Variants in NOP14 observed in about 807,000 individuals in gnomAD.
NOP14 encodes NOP14 nucleolar protein.
A neutral mutation model predicts 101.6 loss-of-function variants in NOP14; 57 were observed. That is an observed-to-expected ratio of 0.56 (90% confidence interval 0.45 to 0.70). NOP14 has a LOEUF of 0.70. Among genes scored for constraint, NOP14 ranks in the 30% least tolerant of loss-of-function variants. The pLI is 0.00. For synonymous variants in NOP14, 428 were observed against 424.0 expected, an observed-to-expected ratio of 1.01 and a Z score of -0.12; for missense variants, 1,134 against 1,075.5, an observed-to-expected ratio of 1.05 and a Z score of -0.76.
chr4:2,939,804 G>C (rs965325886), intron 15 of NOP14, among the ~76,000 whole-genome samples, 159 bp from the exon 16 acceptor site: 2 of 152,138 alleles, frequency 1.3e-5, no homozygotes, highest in African/African-American at 2.4e-5. Context: ...TGGGCGGGGG[G>C]GTAAGCCAAG....
intron 4 of NOP14, among the ~76,000 whole-genome samples, chr4:2,954,114 G>T (rs1043422407): frequency 6.6e-6 from 1 of 152,080 alleles, no homozygotes; most frequent in African/African-American, 2.4e-5. Context: ...GAGGATCACT[G>T]GATCCTTGAG....
At chr4:2,945,026 C>T in intron 12 of NOP14, 102 bp downstream of exon 12, 1 of 799,994 alleles carries the variant, frequency 1.3e-6, no homozygotes, top group East Asian at 2.7e-5. Context: ...CTCTGCAGCC[C>T]TTAAACAGCC....
At chr4:2,953,362 C>A (rs1715150138) in intron 5 of NOP14, 149 bp downstream of exon 5, 9 of 784,152 alleles carry the variant, frequency 1.1e-5, no homozygotes, top group Non-Finnish European at 2.1e-6. Flanking sequence ...CAAGATTACA[C>A]ACAGCAGGTA....
At chr4:2,961,101 A>C (rs111889703) in intron 1 of NOP14, among the ~76,000 whole-genome samples, 490 of 38,920 alleles carry the variant, frequency 0.013, 8 homozygotes, top group Non-Finnish European at 0.018. Flanking sequence ...TAATATATTA[A>C]TATTTTAATA....
intron 14 of NOP14, 170 bp downstream of exon 14, chr4:2,942,022 G>C (rs1317194646): frequency 5.9e-6 from 4 of 681,616 alleles, no homozygotes; most frequent in Non-Finnish European, 7.4e-6. Context: ...AAAATGAAAA[G>C]AAAAAGGGAC....
rs12651499 is a variant in NOP14, at chr4:2,938,631, G to C, written c.*200C>G. On this transcript the variant is annotated 3_prime_UTR_variant, in exon 18 of 18. Coordinates refer to ENST00000416614, the MANE Select transcript of NOP14 (RefSeq NM_001291978.2). ...AGCAGTCCTCCTGCTTCAGCCTCCC[G>C]AGTAGTTGGGACTACAGGTGCGTGC... The C allele has an allele frequency of 3.5e-6, 2 of 567,384 alleles. No homozygotes were observed. The highest frequency in any genetic ancestry group is 1.9e-5 in the African/African-American group (1 of 53,088). The allele number at this position is 567,384 out of a possible 1,614,324, so 35.1% of individuals were successfully genotyped here.
chr4:2,963,388 C>A lies in NOP14; in HGVS notation c.-69G>T, dbSNP rs1167337614. ...GACAGGCGCGCGCTACCCTAAGACA[C>A]GTGCCGGGCCGCGGAACCGCTTCCT... On this transcript the variant is annotated 5_prime_UTR_variant, in exon 1 of 18. Transcript: ENST00000416614. 7.1e-7 allele frequency: 1 copy of A among 1,415,352 alleles called. No homozygotes were observed. 87.7% of individuals were successfully genotyped at this position (1,415,352 alleles called of 1,614,324 possible). A position where few individuals can be genotyped will look rare whatever the true frequency, so the allele number is the denominator to read the frequency against.
intron 1 of NOP14, among the ~76,000 whole-genome samples, chr4:2,958,592 C>T (rs1252454767): frequency 1.3e-5 from 2 of 152,234 alleles, no homozygotes; most frequent in East Asian, 1.9e-4. Context: ...TACAAACCCA[C>T]CACAAATCGG....
At chr4:2,955,397 G>A (rs370619723) in intron 3 of NOP14, among the ~76,000 whole-genome samples, 2 of 107,588 alleles carry the variant, frequency 1.9e-5, no homozygotes, top group South Asian at 3.7e-4. Flanking sequence ...TCACCTGCAC[G>A]CCACGGCGCC....
chr4:2,955,555 A>C (rs1262255466), intron 3 of NOP14, among the ~76,000 whole-genome samples: 2 of 144,580 alleles, frequency 1.4e-5, no homozygotes, highest in African/African-American at 5.2e-5. Context: ...CCCTCTAGTC[A>C]CCTGCACGCC....
At chr4:2,939,994 C>G (rs1211208463) in intron 15 of NOP14, among the ~76,000 whole-genome samples, 2 of 150,818 alleles carry the variant, frequency 1.3e-5, no homozygotes, top group African/African-American at 2.4e-5. Context: ...CCCTCTTTCC[C>G]AGACAAACTT....
At chr4:2,949,406 T>C (rs1333655543) in intron 8 of NOP14, among the ~76,000 whole-genome samples, 2 of 152,126 alleles carry the variant, frequency 1.3e-5, no homozygotes, top group African/African-American at 2.4e-5. Context: ...GGTTTCGCAA[T>C]GTTGCCCAGG....
Position 2,960,798 on chromosome 4 carries a change from T to TAATATATTAATATTATAATCACATTATC in NOP14, c.195+2299_195+2326dup, listed in dbSNP as rs1560310906. On this transcript the variant is annotated intron_variant, in intron 1 of 17. Transcript: ENST00000416614. ...ATTAATATTATAATCACATTAATATTAATATATTAATATTATAATCACATT... is the reference window on the plus strand; with the variant it reads ...ATTAATATTATAATCACATTAATATTAATATATTAATATTATAATCACATTATCAATATATTAATATTATAATCACATT... 3.5e-3 allele frequency among the ~76,000 whole-genome samples: 428 copies of TAATATATTAATATTATAATCACATTATC among 122,114 alleles called. 22 individuals are homozygous for TAATATATTAATATTATAATCACATTATC. Among genetic ancestry groups the TAATATATTAATATTATAATCACATTATC allele is most frequent in the Non-Finnish European group, 4.9e-3 (305 of 61,656 alleles). The allele number at this position is 122,114 out of a possible 152,430, so 80.1% of individuals were successfully genotyped here.
chr4:2,951,826 G>C (rs1413763026), intron 6 of NOP14, among the ~76,000 whole-genome samples: 2 of 152,086 alleles, frequency 1.3e-5, no homozygotes, highest in African/African-American at 4.8e-5. Context: ...AATTAGCTGG[G>C]GCCAGGCGCG....
intron 1 of NOP14, among the ~76,000 whole-genome samples, chr4:2,960,701 ATAT>A (rs1215793721): frequency 2.2e-5 from 3 of 135,526 alleles, no homozygotes; most frequent in Non-Finnish European, 4.6e-5. Flanking sequence ...AATCACATTA[ATAT>A]TAATATATTA....
chr4:2,947,352 G>T, intron 10 of NOP14, 174 bp downstream of exon 10: 1 of 598,996 alleles, frequency 1.7e-6, no homozygotes, highest in Non-Finnish European at 3.0e-6. Flanking sequence ...CGTGTGAGAA[G>T]CCGGCTTGCG....
At position 2,952,989 on chromosome 4, in the gene NOP14, G is replaced by C. The variant is rs78966729; in HGVS notation, c.747+522C>G. Among the ~76,000 whole-genome samples, 627 of 152,292 alleles carry C rather than the reference G, an allele frequency of 4.1e-3. 16 individuals are homozygous for C. The East Asian group carries it at 0.086, about 21-fold the overall frequency. ...ATCCAGGCATTACGCCCTAAACGTG[G>C]GAAACTAAGTAAAGTAACGGTAACA... On this transcript the variant is annotated intron_variant, in intron 5 of 17. Transcript: ENST00000416614.
Position 2,939,643 on chromosome 4 carries a change from C to T in NOP14, c.2202G>A (p.Glu734=). The T allele has an allele frequency of 6.2e-7, 1 of 1,612,472 alleles. No individual in the cohort carries two copies. The highest frequency in any genetic ancestry group is 8.5e-7 in the Non-Finnish European group (1 of 1,178,836). ...ADCSHPQELQ[E]LCQSTLTEME... ...TTTCGGTCAGTGTGCTCTGACACAGCTCCTGAAAAACACGAAATCCCCGAC... is the reference window on the plus strand; with the variant it reads ...TTTCGGTCAGTGTGCTCTGACACAGTTCCTGAAAAACACGAAATCCCCGAC... Residue 734 remains glutamate, a splice_region_variant and synonymous_variant, in exon 16 of 18, where the codon GAG becomes GAA. Transcript: ENST00000416614.
chr4:2,946,614 A>G (rs1714664526), intron 10 of NOP14, 67 bp from the exon 11 acceptor site: 2 of 1,511,634 alleles, frequency 1.3e-6, no homozygotes, highest in Admixed American at 1.7e-5. Flanking sequence ...AAGCCCTGCA[A>G]GCCACTTTCC....
Sources: allele counts gnomAD v4.1 joint callset (sites outside exome capture counted in the v4.1 genomes callset), GRCh38; gene constraint gnomAD v4.1.1; transcripts MANE v1.5; gene names NCBI Gene and HGNC (gene_info 2026-07-23, HGNC 2026-07-21).